Variants in DSCC1 observed in about 807,000 individuals in gnomAD.
DSCC1 encodes the protein DNA replication and sister chromatid cohesion 1, also known as sister chromatid cohesion protein DCC1.
A neutral mutation model predicts 48.2 loss-of-function variants in DSCC1; 32 were observed. The ratio of observed to expected loss-of-function variants is 0.66; its 90% CI spans 0.50 to 0.89. The LOEUF (loss-of-function observed/expected upper bound fraction) is 0.89, where lower values mean the gene tolerates loss of function less well. Among genes scored for constraint, DSCC1 ranks in the 40% least tolerant of loss-of-function variants. The pLI is 0.00. For synonymous variants in DSCC1, 150 were observed against 171.5 expected (o/e 0.87, Z 0.98); for missense variants, 421 against 471.7 (o/e 0.89, Z 1.00).
chr8:119,851,179 C>A (rs1202743810), intron 2 of DSCC1, among the ~76,000 whole-genome samples: 3 of 152,134 alleles, frequency 2.0e-5, no homozygotes, highest in Non-Finnish European at 4.4e-5. Context: ...AGGTGCCCAA[C>A]AAGTGTTTCA....
At chr8:119,835,491 T>C (rs1263469481) in intron 8 of DSCC1, among the ~76,000 whole-genome samples, 1 of 151,302 alleles carries the variant, frequency 6.6e-6, no homozygotes, top group African/African-American at 2.4e-5. Context: ...TGAGTGACAG[T>C]GTGAGACTCT....
chr8:119,837,711 G>T (rs1476174538), intron 8 of DSCC1, among the ~76,000 whole-genome samples: 4 of 152,146 alleles, frequency 2.6e-5, no homozygotes, highest in Non-Finnish European at 4.4e-5. Context: ...GGGAGAGAGG[G>T]CCACAGGAGT....
intron 1 of DSCC1, among the ~76,000 whole-genome samples, chr8:119,855,318 T>C (rs1279914750): frequency 6.6e-6 from 1 of 152,092 alleles, no homozygotes; most frequent in Non-Finnish European, 1.5e-5. Flanking sequence ...TCCTGTAGAG[T>C]CCCTGTAATC....
At position 119,850,782 on chromosome 8, in the gene DSCC1, T is replaced by C. The variant is rs552398787; in HGVS notation, c.352-266A>G. ...CACATCTCAAATGTACTCTGAAAACTAGAGTATGCCCAGAAAAAATGACAG... is the reference window on the plus strand; with the variant it reads ...CACATCTCAAATGTACTCTGAAAACCAGAGTATGCCCAGAAAAAATGACAG... On this transcript the variant is annotated intron_variant, in intron 2 of 8. Coordinates refer to ENST00000313655, the MANE Select transcript of DSCC1 (RefSeq NM_024094.3). Among the ~76,000 whole-genome samples, 6 of 152,200 alleles carry C rather than the reference T, an allele frequency of 3.9e-5. No homozygotes were observed. The South Asian group carries it at 1.2e-3, about 32-fold the overall frequency.
Position 119,834,945 on chromosome 8 carries a change from G to A in DSCC1, c.1130C>T (p.Ser377Phe). 2 of 1,611,378 alleles carry A rather than the reference G, an allele frequency of 1.2e-6. No homozygotes were observed. Among genetic ancestry groups the A allele is most frequent in the Non-Finnish European group, 1.7e-6 (2 of 1,178,398 alleles). ...AACTTTAACACCATTTTGCATCGAA[G>A]AATGAGAATATTTAGTGAGTAATGC... Reference protein sequence around the residue: ...IGALLTKYSHSSMQNGVKVYN... With the variant: ...IGALLTKYSHFSMQNGVKVYN... Residue 377 changes from serine (S) to phenylalanine (F), a missense_variant, in exon 9 of 9, where the codon TCT becomes TTT. Ser to Phe is a radical substitution (Grantham distance 155). Coordinates refer to ENST00000313655, the MANE Select transcript of DSCC1 (RefSeq NM_024094.3).
chr8:119,847,231 A>C (rs1213775239), intron 3 of DSCC1, 151 bp from the exon 4 acceptor site: 1 of 644,508 alleles, frequency 1.6e-6, no homozygotes, highest in Non-Finnish European at 2.6e-6. Context: ...TGATTTCTAC[A>C]CAAAATCAAT....
At chr8:119,848,909 G>A (rs1171696691) in intron 3 of DSCC1, among the ~76,000 whole-genome samples, 2 of 152,110 alleles carry the variant, frequency 1.3e-5, no homozygotes, top group Admixed American at 6.5e-5. Flanking sequence ...GGCCGGCCGG[G>A]CGCGGTGGCT....
chr8:119,847,879 G>A (rs2131305683), intron 3 of DSCC1, among the ~76,000 whole-genome samples: 1 of 152,030 alleles, frequency 6.6e-6, no homozygotes, highest in South Asian at 2.1e-4. Flanking sequence ...AGGTCAGGCT[G>A]GTCTCGAACT....
In DSCC1 at chr8:119,838,282, T is replaced by C; in HGVS notation, c.1050A>G (p.Glu350=). The C allele has an allele frequency of 6.3e-7, 1 of 1,599,876 alleles. No individual in the cohort carries two copies. The highest frequency in any genetic ancestry group is 8.5e-7 in the Non-Finnish European group (1 of 1,175,154). The change falls in exon 8 of 9, where the codon GAA becomes GAG. Residue 350 remains glutamate (E), a synonymous_variant. Transcript: ENST00000313655. The part of the protein sequence containing the change: ...SLFSLREKWT[E]EDIAPYIQDL... The stretch of plus-strand genomic sequence containing the variant: ...ACTGAATATATGGAGCAATATCTTC[T>C]TCTGTCCACTTCTCCCTTAGAGAGA...
Position 119,842,635 on chromosome 8 carries a change from T to C in DSCC1, c.769+141A>G, listed in dbSNP as rs114338326. ...TCCTGGGTTCAAGCGACCCACCCAC[T>C]GCAGCCTTCCAAAGTGCTGGGATTA... On this transcript the variant is annotated intron_variant, in intron 6 of 8. Coordinates refer to ENST00000313655, the MANE Select transcript of DSCC1 (RefSeq NM_024094.3). The C allele has an allele frequency of 3.3e-3, 2,207 of 676,282 alleles. 37 individuals carry two copies. The African/African-American group carries it at 0.037, about 11-fold the overall frequency. The allele number at this position is 676,282 out of a possible 1,614,324, so 41.9% of individuals were successfully genotyped here.
chr8:119,836,948 A>G (rs760622740), intron 8 of DSCC1, among the ~76,000 whole-genome samples: 23 of 152,158 alleles, frequency 1.5e-4, no homozygotes, highest in Non-Finnish European at 2.5e-4. Context: ...GGAAGCAGAC[A>G]CTGTCAAATA....
chr8:119,848,360 AATAAT>A (rs1381389720), intron 3 of DSCC1, among the ~76,000 whole-genome samples: 1 of 152,250 alleles, frequency 6.6e-6, no homozygotes, highest in African/African-American at 2.4e-5. Flanking sequence ...AATATTTGCA[AATAAT>A]ATATCTGATA....
intron 7 of DSCC1, among the ~76,000 whole-genome samples, chr8:119,840,982 T>C (rs2131296682): frequency 6.6e-6 from 1 of 151,654 alleles, no homozygotes; most frequent in East Asian, 1.9e-4. Flanking sequence ...CATTTATTTA[T>C]TTATTTATTA....
At chr8:119,853,714 C>A (rs1263243516) in intron 1 of DSCC1, among the ~76,000 whole-genome samples, 2 of 152,144 alleles carry the variant, frequency 1.3e-5, no homozygotes, top group African/African-American at 4.8e-5. Context: ...GGCCAAGCTG[C>A]TGCTCATGGT....
chr8:119,843,634 G>A lies in DSCC1; in HGVS notation c.691C>T (p.Gln231Ter). Residue 231 changes from glutamine to a stop codon, truncating the protein, a stop_gained, in exon 5 of 9, where the codon CAG becomes TAG. Coordinates refer to ENST00000313655, the MANE Select transcript of DSCC1 (RefSeq NM_024094.3). LOFTEE classifies it high-confidence loss of function. ...FGKVPLNTCL[Q>*]ELGPLEPEEM... ...TCTGGCTCCAATGGTCCGAGTTCCT[G>A]AAGGCATGTGTTCAAAGGAACTTTA... 1.2e-6 allele frequency: 2 copies of A among 1,613,172 alleles called. No individual in the cohort carries two copies. The highest frequency in any genetic ancestry group is 1.7e-6 in the Non-Finnish European group (2 of 1,179,848).
At chr8:119,844,000 C>T (rs752953452) in intron 4 of DSCC1, among the ~76,000 whole-genome samples, 12 of 152,052 alleles carry the variant, frequency 7.9e-5, no homozygotes, top group African/African-American at 2.4e-4. Context: ...TGGTCCTGAC[C>T]TTCTGACCTC....
At chr8:119,847,646 A>T (rs1826876559) in intron 3 of DSCC1, among the ~76,000 whole-genome samples, 1 of 147,590 alleles carries the variant, frequency 6.8e-6, no homozygotes, top group Non-Finnish European at 1.5e-5. Context: ...AAAATGGTAA[A>T]TTTTATTTTT....
intron 8 of DSCC1, among the ~76,000 whole-genome samples, chr8:119,838,022 T>G (rs1485306538): frequency 6.6e-6 from 1 of 152,114 alleles, no homozygotes; most frequent in East Asian, 1.9e-4. Flanking sequence ...TTTCCAGGAA[T>G]GAGAGCAGAG....
At chr8:119,842,526 G>A (rs796895307) in intron 6 of DSCC1, among the ~76,000 whole-genome samples, 4 of 152,098 alleles carry the variant, frequency 2.6e-5, no homozygotes, top group African/African-American at 9.6e-5. Context: ...GGGACTACAG[G>A]CATGCACTGC....
Sources: allele counts gnomAD v4.1 joint callset (sites outside exome capture counted in the v4.1 genomes callset), GRCh38; gene constraint gnomAD v4.1.1; transcripts MANE v1.5; gene names NCBI Gene and HGNC (gene_info 2026-07-23, HGNC 2026-07-21).